HDDC2: variants seen among roughly 807,000 people sequenced by gnomAD.
HDDC2 encodes 5'-deoxynucleotidase HDDC2.
In HDDC2, 25 loss-of-function variants were observed where a neutral mutation model predicts 25.5. That is an observed-to-expected ratio of 0.98 (90% CI 0.72 to 1.37). HDDC2 has a LOEUF of 1.37. HDDC2 is among the 40% of genes most tolerant of loss of function. HDDC2 has a pLI of 0.00. For missense variants in HDDC2, 264 were observed against 253.1 expected (o/e 1.04, Z -0.29); for synonymous variants, 106 against 89.7 (o/e 1.18, Z -1.03).
At chr6:125,298,663 A>G in intron 3 of HDDC2, 51 bp downstream of exon 3, 1 of 1,369,232 alleles carries the variant, frequency 7.3e-7, no homozygotes, top group Non-Finnish European at 1.0e-6. Context: ...GCTTTGCTTC[A>G]GCAAGAGGTT....
At chr6:125,285,085 G>A (rs970944036) in intron 4 of HDDC2, among the ~76,000 whole-genome samples, 1 of 144,706 alleles carries the variant, frequency 6.9e-6, no homozygotes, top group African/African-American at 2.6e-5. Flanking sequence ...ACCACCATAT[G>A]TTCTCACTCA....
intron 4 of HDDC2, among the ~76,000 whole-genome samples, chr6:125,289,626 T>C (rs1248881953): frequency 6.6e-6 from 1 of 152,140 alleles, no homozygotes; most frequent in Non-Finnish European, 1.5e-5. Flanking sequence ...TCCAACCTCC[T>C]AGTGACTCTC....
chr6:125,288,473 C>A (rs1282578522), intron 4 of HDDC2, among the ~76,000 whole-genome samples: 2 of 152,010 alleles, frequency 1.3e-5, no homozygotes, highest in East Asian at 3.9e-4. Flanking sequence ...AACAGAGGGA[C>A]AAGGAGTCCA....
intron 3 of HDDC2, among the ~76,000 whole-genome samples, chr6:125,294,113 C>T (rs1798670135): frequency 6.6e-6 from 1 of 152,182 alleles, no homozygotes; most frequent in African/African-American, 2.4e-5. Context: ...ACCTTCATCC[C>T]ATACCTTTTA....
At chr6:125,292,413 A>T (rs888291904) in intron 4 of HDDC2, among the ~76,000 whole-genome samples, 1 of 151,960 alleles carries the variant, frequency 6.6e-6, no homozygotes, top group African/African-American at 2.4e-5. Flanking sequence ...CTTCACCTTG[A>T]CCTCATCCAA....
Position 125,277,214 on chromosome 6 carries a change from T to C in HDDC2, c.405A>G (p.Glu135=), listed in dbSNP as rs1289899493. 2 of 1,614,108 alleles carry C rather than the reference T, an allele frequency of 1.2e-6. No individual in the cohort carries two copies. The highest frequency in any genetic ancestry group is 1.7e-5 in the Admixed American group (1 of 60,024). Residue 135 remains glutamate, a synonymous_variant, in exon 5 of 6, where the codon GAA becomes GAG. Coordinates refer to ENST00000398153, the MANE Select transcript of HDDC2 (RefSeq NM_016063.3). ...WEEYETQSSA[E]AKFVKQLDQC... Reference sequence around the variant, plus strand: ...GGTCTAGCTGCTTCACAAATTTGGCTTCTGCACTAGATTGGGTCTCGTACT... The same window carrying C: ...GGTCTAGCTGCTTCACAAATTTGGCCTCTGCACTAGATTGGGTCTCGTACT...
intron 4 of HDDC2, chr6:125,277,862 G>A (rs1798394634): frequency 6.6e-6 from 1 of 152,208 alleles, no homozygotes; most frequent in African/African-American, 2.4e-5. Flanking sequence ...TGGTGAATGT[G>A]GTGGGGGGAG....
In HDDC2 at chr6:125,298,740, T is replaced by C; in HGVS notation, c.283A>G (p.Lys95Glu). Residue 95 changes from lysine (K) to glutamate (E), a missense_variant, in exon 3 of 6, where the codon AAA becomes GAA. Transcript: ENST00000398153. ...TCTTCTCGCCTATGTTTTTCTTCTT[T>C]GGGGATGTTATCTGCTGGTGCTATG... ...GDIAPADNIP[K>E]EEKHRREEEA... 6.2e-7 allele frequency: 1 copy of C among 1,614,122 alleles called. No homozygotes were observed. The highest frequency in any genetic ancestry group is 8.5e-7 in the Non-Finnish European group (1 of 1,179,982).
At chr6:125,298,564 A>T in intron 3 of HDDC2, 150 bp downstream of exon 3, 1 of 631,108 alleles carries the variant, frequency 1.6e-6, no homozygotes, top group Non-Finnish European at 2.8e-6. Flanking sequence ...ATCTCTAAAA[A>T]TATCTTCCCC....
chr6:125,287,944 C>A (rs1191259678), intron 4 of HDDC2, among the ~76,000 whole-genome samples: 2 of 152,168 alleles, frequency 1.3e-5, no homozygotes, highest in Non-Finnish European at 2.9e-5. Context: ...GGCCGAAGGC[C>A]GGCTGTGACC....
chr6:125,301,807 C>T, intron 1 of HDDC2, 42 bp downstream of exon 1: 1 of 1,472,344 alleles, frequency 6.8e-7, no homozygotes, highest in Non-Finnish European at 9.2e-7. Flanking sequence ...CCCCACAGTC[C>T]CGCCCGCTCG....
In HDDC2 at chr6:125,301,833, C is replaced by T; in HGVS notation, c.84+16G>A. 3 of 1,536,224 alleles carry T rather than the reference C, an allele frequency of 2.0e-6. No individual in the cohort carries two copies. Among genetic ancestry groups the T allele is most frequent in the Non-Finnish European group, 2.6e-6 (3 of 1,142,670 alleles). On this transcript the variant is annotated intron_variant, in intron 1 of 5. Coordinates refer to ENST00000398153, the MANE Select transcript of HDDC2 (RefSeq NM_016063.3). Reference sequence around the variant, plus strand: ...CGCCCGCTCGGCCGCGGCCTCCCGGCCTGGTGCCCGCTCACCTTGAGCTGC... The same window carrying T: ...CGCCCGCTCGGCCGCGGCCTCCCGGTCTGGTGCCCGCTCACCTTGAGCTGC...
chr6:125,295,158 T>C (rs954491340), intron 3 of HDDC2, among the ~76,000 whole-genome samples: 1 of 152,192 alleles, frequency 6.6e-6, no homozygotes, highest in African/African-American at 2.4e-5. Flanking sequence ...TGGCAAGCGA[T>C]GAGCCCTGAC....
At chr6:125,287,864 T>G (rs962265695) in intron 4 of HDDC2, among the ~76,000 whole-genome samples, 1 of 152,150 alleles carries the variant, frequency 6.6e-6, no homozygotes, top group African/African-American at 2.4e-5. Context: ...TGGCAACACC[T>G]CATGCCGCCA....
chr6:125,290,923 CAAGTAAAT>C (rs1324531328), intron 4 of HDDC2, among the ~76,000 whole-genome samples: 1 of 152,162 alleles, frequency 6.6e-6, no homozygotes, highest in Non-Finnish European at 1.5e-5. Context: ...GATACTACTG[CAAGTAAAT>C]TTTGCAGTAA....
intron 3 of HDDC2, among the ~76,000 whole-genome samples, chr6:125,295,707 T>C (rs1798697581): frequency 6.6e-6 from 1 of 152,200 alleles, no homozygotes; most frequent in South Asian, 2.1e-4. Context: ...CTCTTTGTAA[T>C]CTCCAAGTTC....
intron 3 of HDDC2, among the ~76,000 whole-genome samples, chr6:125,294,549 T>C (rs1798677796): frequency 6.6e-6 from 1 of 152,234 alleles, no homozygotes; most frequent in Non-Finnish European, 1.5e-5. Context: ...CTTTATAGAT[T>C]CCTTTTCTCT....
At chr6:125,279,432 A>C (rs541301047) in intron 4 of HDDC2, 1 of 152,190 alleles carries the variant, frequency 6.6e-6, no homozygotes, top group Non-Finnish European at 1.5e-5. Context: ...GACATCTCTA[A>C]AAGAAAGCCA....
intron 4 of HDDC2, among the ~76,000 whole-genome samples, chr6:125,291,415 C>A (rs930935010): frequency 6.6e-6 from 1 of 152,104 alleles, no homozygotes; most frequent in Non-Finnish European, 1.5e-5. Context: ...TAATATGGTA[C>A]ATATGGTGTA....
Sources: gnomAD v4.1 joint callset for allele counts (sites outside exome capture counted in the v4.1 genomes callset) on GRCh38, gnomAD v4.1.1 for gene constraint, MANE v1.5 for transcripts, NCBI Gene and HGNC (gene_info 2026-07-23, HGNC 2026-07-21) for gene names.